The following NALCN variants were observed in gnomAD, a reference collection of about 807,000 sequenced individuals.
NALCN encodes the protein sodium leak channel, non-selective.
Under a neutral mutation model 225.3 loss-of-function variants are expected in NALCN, and 111 were observed. The ratio of observed to expected loss-of-function variants is 0.49; its 90% CI spans 0.42 to 0.58. NALCN has a LOEUF of 0.58. NALCN is among the 20% of genes least tolerant of loss of function. The pLI is 0.00. For synonymous variants in NALCN, 764 were observed against 769.0 expected, an observed-to-expected ratio of 0.99 and a Z score of 0.11; for missense variants, 1,378 against 2,202.4, an observed-to-expected ratio of 0.63 and a Z score of 7.49.
intron 2 of NALCN, among the ~76,000 whole-genome samples, chr13:101,395,851 T>C (rs1050736825): frequency 5.9e-5 from 9 of 152,208 alleles, no homozygotes; most frequent in Non-Finnish European, 1.2e-4. Context: ...CCCTAGCATC[T>C]AGCACAAGGG....
intron 6 of NALCN, among the ~76,000 whole-genome samples, chr13:101,355,327 G>T (rs977858095): frequency 6.6e-6 from 1 of 151,326 alleles, no homozygotes; most frequent in Non-Finnish European, 1.5e-5. Context: ...ACACACATAG[G>T]CTCAAAATAA....
At chr13:101,211,473 C>T (rs2040519657) in intron 13 of NALCN, among the ~76,000 whole-genome samples, 1 of 151,500 alleles carries the variant, frequency 6.6e-6, no homozygotes, top group Non-Finnish European at 1.5e-5. Context: ...GATTCATCCT[C>T]TAAAAGGAAG....
intron 11 of NALCN, among the ~76,000 whole-genome samples, chr13:101,244,298 T>C (rs1217929755): frequency 6.6e-6 from 1 of 152,202 alleles, no homozygotes; most frequent in African/African-American, 2.4e-5. Flanking sequence ...CCTTACTAAC[T>C]GCATATATTA....
intron 6 of NALCN, among the ~76,000 whole-genome samples, chr13:101,372,592 G>A (rs757158269): frequency 2.0e-5 from 3 of 151,706 alleles, no homozygotes; most frequent in African/African-American, 4.8e-5. Context: ...ATAACCTACA[G>A]GTCAAAGGAG....
chr13:101,321,248 A>G (rs2044737833), intron 7 of NALCN, among the ~76,000 whole-genome samples: 1 of 152,148 alleles, frequency 6.6e-6, no homozygotes, highest in African/African-American at 2.4e-5. Context: ...AATATATGTA[A>G]GAAAAAGACA....
At chr13:101,346,079 C>CTG (rs1202819666) in intron 6 of NALCN, among the ~76,000 whole-genome samples, 1 of 92,756 alleles carries the variant, frequency 1.1e-5, no homozygotes, top group African/African-American at 4.4e-5. Flanking sequence ...CTCTCTCTCT[C>CTG]TCTCTCTCTA....
chr13:101,193,760 T>C (rs1248502882), intron 13 of NALCN, among the ~76,000 whole-genome samples: 2 of 152,220 alleles, frequency 1.3e-5, no homozygotes, highest in African/African-American at 4.8e-5. Flanking sequence ...GAACTCATCA[T>C]TGAGGGCAAT....
At chr13:101,256,529 A>C (rs1250737968) in intron 11 of NALCN, among the ~76,000 whole-genome samples, 1 of 152,114 alleles carries the variant, frequency 6.6e-6, no homozygotes, top group African/African-American at 2.4e-5. Context: ...TCCTAAATGG[A>C]TCTTTAATGT....
chr13:101,113,724 T>C (rs1262925191), intron 18 of NALCN, among the ~76,000 whole-genome samples: 1 of 152,176 alleles, frequency 6.6e-6, no homozygotes, highest in Non-Finnish European at 1.5e-5. Flanking sequence ...AAAAGTAACA[T>C]GAAATGAGAA....
intron 10 of NALCN, among the ~76,000 whole-genome samples, chr13:101,264,348 T>G (rs139871555): frequency 2.6e-5 from 4 of 152,176 alleles, no homozygotes; most frequent in Non-Finnish European, 4.4e-5. Context: ...AGAGGAGTTT[T>G]GGATATGTTT....
intron 15 of NALCN, among the ~76,000 whole-genome samples, chr13:101,145,345 GA>G (rs2037297049): frequency 6.6e-6 from 1 of 152,114 alleles, no homozygotes; most frequent in African/African-American, 2.4e-5. Context: ...TTTGTAAAGA[GA>G]GACAATGGCA....
Position 101,258,634 on chromosome 13 carries a change from T to G in NALCN, c.1135-60A>C, listed in dbSNP as rs1037186279. The G allele has an allele frequency of 4.4e-5, 70 of 1,607,472 alleles. 1 individual carries two copies. The South Asian group carries it at 7.1e-4, about 16-fold the overall frequency. Reference sequence around the variant, plus strand: ...AAATAAACCTCATGATTAAGTGTAATTGACTTAGTCCTTGGCTGACAGCAC... The same window carrying G: ...AAATAAACCTCATGATTAAGTGTAAGTGACTTAGTCCTTGGCTGACAGCAC... On this transcript the variant is annotated intron_variant, in intron 10 of 43. Coordinates refer to ENST00000251127, the MANE Select transcript of NALCN (RefSeq NM_052867.4).
At chr13:101,070,063 GTTT>G (rs71121162) in intron 37 of NALCN, among the ~76,000 whole-genome samples, 7 of 98,310 alleles carry the variant, frequency 7.1e-5, no homozygotes, top group Non-Finnish European at 1.1e-4. Context: ...AATCATGAAT[GTTT>G]TTTTTTTTTT....
intron 13 of NALCN, among the ~76,000 whole-genome samples, chr13:101,208,690 T>G (rs1399467068): frequency 6.6e-6 from 1 of 152,202 alleles, no homozygotes; most frequent in Non-Finnish European, 1.5e-5. Flanking sequence ...CTTGGTGCTG[T>G]CTATGATAAC....
At chr13:101,297,226 A>G (rs1416912967) in intron 7 of NALCN, among the ~76,000 whole-genome samples, 4 of 152,184 alleles carry the variant, frequency 2.6e-5, no homozygotes, top group African/African-American at 9.7e-5. Context: ...GGGTCCTACC[A>G]CTAAACCTCT....
chr13:101,255,589 A>AT (rs1362851840), intron 11 of NALCN, among the ~76,000 whole-genome samples: 2 of 152,118 alleles, frequency 1.3e-5, no homozygotes, highest in Non-Finnish European at 2.9e-5. Context: ...GTTTCCTGGC[A>AT]TTTTTGCCAG....
chr13:101,109,728 A>G (rs1440671776), intron 20 of NALCN, among the ~76,000 whole-genome samples: 1 of 152,156 alleles, frequency 6.6e-6, no homozygotes, highest in Non-Finnish European at 1.5e-5. Context: ...TTTGCATGGT[A>G]TAGCTGCTGG....
rs200809034 is a variant in NALCN at position 101,258,585 on chromosome 13, G to A, written c.1135-11C>T. The A allele has an allele frequency of 9.9e-4, 1,591 of 1,614,014 alleles. 28 individuals are homozygous for A. The South Asian group carries it at 0.016, about 16-fold the overall frequency. ...TGACCGCATCATTTTCTGAGGGGGC[G>A]AAACAGACAGACTCTTAACAAAGAA... On this transcript the variant is annotated splice_polypyrimidine_tract_variant and intron_variant, in intron 10 of 43. Transcript: ENST00000251127.
intron 27 of NALCN, among the ~76,000 whole-genome samples, chr13:101,096,318 C>A (rs1330747375): frequency 1.3e-5 from 2 of 152,132 alleles, no homozygotes; most frequent in African/African-American, 4.8e-5. Flanking sequence ...TGGAAACAAT[C>A]CAGATGTCCA....
Sources: gnomAD v4.1 joint callset for allele counts (sites outside exome capture counted in the v4.1 genomes callset) on GRCh38, gnomAD v4.1.1 for gene constraint, MANE v1.5 for transcripts, NCBI Gene and HGNC (gene_info 2026-07-23, HGNC 2026-07-21) for gene names.